The following PDCD4 variants were observed in gnomAD, a reference collection of about 807,000 sequenced individuals.
PDCD4 encodes programmed cell death 4.
In PDCD4, 56 loss-of-function variants were observed where a neutral mutation model predicts 54.0. That is an observed-to-expected ratio of 1.04 (90% CI 0.84 to 1.30). The LOEUF (loss-of-function observed/expected upper bound fraction) is 1.30, where lower values mean the gene tolerates loss of function less well. Among genes scored for constraint, PDCD4 ranks in the 50% most tolerant of loss-of-function variants. PDCD4 has a pLI of 0.00. For synonymous variants in PDCD4, 186 were observed against 194.8 expected, an observed-to-expected ratio of 0.95 and a Z score of 0.37; for missense variants, 584 against 559.8, an observed-to-expected ratio of 1.04 and a Z score of -0.44.
chr10:110,876,216 T>G, intron 2 of PDCD4, 146 bp downstream of exon 2: 1 of 567,298 alleles, frequency 1.8e-6, no homozygotes, highest in Non-Finnish European at 3.1e-6. Flanking sequence ...TATCTCAGCC[T>G]CCTCAGCAGC....
In PDCD4 at chr10:110,878,125, C is replaced by T. The variant is rs115566012; in HGVS notation, c.43+2055C>T. 3.1e-3 allele frequency among the ~76,000 whole-genome samples: 477 copies of T among 152,254 alleles called. 1 individual carries two copies. Among genetic ancestry groups the T allele is most frequent in the African/African-American group, 0.011 (452 of 41,544 alleles). On this transcript the variant is annotated intron_variant, in intron 2 of 11. Coordinates refer to ENST00000280154, the MANE Select transcript of PDCD4 (RefSeq NM_014456.5). ...GAAGTCAATCACATTCTGTACTCAG[C>T]TTATCATTTTAATTTTGGTTTTCTT...
At chr10:110,887,142 T>C (rs1227423299) in intron 5 of PDCD4, among the ~76,000 whole-genome samples, 2 of 152,188 alleles carry the variant, frequency 1.3e-5, no homozygotes, top group African/African-American at 4.8e-5. Flanking sequence ...CATATATACC[T>C]TTGGTCTCAT....
rs953785133 is a variant in PDCD4, at chr10:110,898,778, AAACTTT to A, written c.*693_*698del. 2.0e-5 allele frequency: 3 copies of A among 152,622 alleles called. No individual in the cohort carries two copies. Among genetic ancestry groups the A allele is most frequent in the African/African-American group, 7.2e-5 (3 of 41,458 alleles). 9.5% of individuals were successfully genotyped at this position (152,622 alleles called of 1,614,324 possible). Reference sequence around the variant, plus strand: ...GGGAGTACATTTTTTTAGGTCTCTTAAACTTTAATTTCACACAGTAAATTTTGAATC... The same window carrying A: ...GGGAGTACATTTTTTTAGGTCTCTTAAATTTCACACAGTAAATTTTGAATC... On this transcript the variant is annotated 3_prime_UTR_variant, in exon 12 of 12. Transcript: ENST00000280154.
chr10:110,886,762 T>G (rs749602366), intron 5 of PDCD4, among the ~76,000 whole-genome samples: 25 of 152,158 alleles, frequency 1.6e-4, no homozygotes, highest in Non-Finnish European at 2.6e-4. Flanking sequence ...AAGAGGCTAT[T>G]ATAATGCCTG....
chr10:110,873,784 C>G (rs752917782), intron 1 of PDCD4, among the ~76,000 whole-genome samples: 6 of 152,136 alleles, frequency 3.9e-5, no homozygotes, highest in African/African-American at 7.2e-5. Flanking sequence ...TCAAATATGA[C>G]TTGAGTTCCT....
At chr10:110,878,557 C>G (rs921367588) in intron 2 of PDCD4, among the ~76,000 whole-genome samples, 1 of 152,180 alleles carries the variant, frequency 6.6e-6, no homozygotes, top group Admixed American at 6.5e-5. Flanking sequence ...TGATCCTGAT[C>G]TTTCTGTCCC....
At position 110,876,456 on chromosome 10, in the gene PDCD4, T is replaced by A. The variant is rs1356165915; in HGVS notation, c.43+386T>A. Among the ~76,000 whole-genome samples, 4 of 152,216 alleles carry A rather than the reference T, an allele frequency of 2.6e-5. No homozygotes were observed. In the East Asian group the frequency reaches 7.7e-4, roughly 29 times the overall value. ...TTATTTTTAAAGTCAAGTTTGTGAT[T>A]TTTATTTTCATGGAAATTCATTACA... On this transcript the variant is annotated intron_variant, in intron 2 of 11. Coordinates refer to ENST00000280154, the MANE Select transcript of PDCD4 (RefSeq NM_014456.5).
At chr10:110,892,695 G>A (rs1845774049) in intron 8 of PDCD4, among the ~76,000 whole-genome samples, 1 of 152,146 alleles carries the variant, frequency 6.6e-6, no homozygotes, top group South Asian at 2.1e-4. Flanking sequence ...GTGATATGGA[G>A]GCAGTTGTAA....
rs552441395 is a variant in PDCD4, at chr10:110,878,993, C to T, written c.44-2240C>T. 2.6e-5 allele frequency among the ~76,000 whole-genome samples: 4 copies of T among 152,288 alleles called. No individual in the cohort carries two copies. In the South Asian group the frequency reaches 6.2e-4, roughly 24 times the overall value. On this transcript the variant is annotated intron_variant, in intron 2 of 11. Transcript: ENST00000280154. ...TATGATGATGTCCCAAACACACCAT[C>T]CTAACACCGGCTTCTTACCAGTTTG...
At chr10:110,897,715 T>C (rs963970612) in intron 11 of PDCD4, among the ~76,000 whole-genome samples, 6 of 152,162 alleles carry the variant, frequency 3.9e-5, no homozygotes, top group African/African-American at 1.2e-4. Flanking sequence ...CAAATAATAA[T>C]TAGAAATTAA....
At chr10:110,872,727 T>A (rs1590723503) in intron 1 of PDCD4, among the ~76,000 whole-genome samples, 1 of 152,064 alleles carries the variant, frequency 6.6e-6, no homozygotes, top group Non-Finnish European at 1.5e-5. Context: ...CGGCAAAGGG[T>A]CTCTTTTTTT....
chr10:110,896,459 T>C (rs868271127), intron 11 of PDCD4, among the ~76,000 whole-genome samples: 7 of 152,154 alleles, frequency 4.6e-5, no homozygotes. Context: ...TCAGGACTTT[T>C]CTGGCTTCAA....
intron 3 of PDCD4, among the ~76,000 whole-genome samples, chr10:110,882,366 G>A (rs959742439): frequency 6.6e-6 from 1 of 152,162 alleles, no homozygotes; most frequent in African/African-American, 2.4e-5. Context: ...ATTTCAGTAA[G>A]TTGATGTAGA....
Position 110,890,608 on chromosome 10 carries a change from C to T in PDCD4, c.928C>T (p.Arg310Cys), listed in dbSNP as rs374836268. The change falls in exon 8 of 12, where the codon CGT becomes TGT. Residue 310 changes from arginine (R) to cysteine (C), a missense_variant. Coordinates refer to ENST00000280154, the MANE Select transcript of PDCD4 (RefSeq NM_014456.5). ...VLLSMSKGGK[R>C]KDSVWGSGGG... The stretch of plus-strand genomic sequence containing the variant: ...TCTGAGTATGTCTAAAGGTGGAAAG[C>T]GTAAAGATAGTGTGTGGGGCTCTGG... 3.3e-5 allele frequency: 54 copies of T among 1,613,352 alleles called. No homozygotes were observed. Among genetic ancestry groups the T allele is most frequent in the Non-Finnish European group, 4.0e-5 (47 of 1,179,624 alleles).
At chr10:110,873,047 ATATTCT>A (rs1407241739) in intron 1 of PDCD4, among the ~76,000 whole-genome samples, 8 of 152,170 alleles carry the variant, frequency 5.3e-5, no homozygotes, top group African/African-American at 1.9e-4. Context: ...TACAATCTTG[ATATTCT>A]TAACGTGACT....
intron 2 of PDCD4, among the ~76,000 whole-genome samples, chr10:110,876,936 C>T (rs925762854): frequency 6.6e-5 from 10 of 151,966 alleles, no homozygotes; most frequent in African/African-American, 2.2e-4. Context: ...AAGTGTATTT[C>T]GTAACTAAAT....
chr10:110,888,062 A>G (rs1278659494), intron 6 of PDCD4, among the ~76,000 whole-genome samples, 176 bp downstream of exon 6: 5 of 151,998 alleles, frequency 3.3e-5, no homozygotes, highest in African/African-American at 1.2e-4. Context: ...TTTGTTTTTT[A>G]AACATGGTCT....
Position 110,889,576 on chromosome 10 carries a change from T to A in PDCD4, c.821T>A (p.Leu274Ter). 1 of 1,609,218 alleles carries A rather than the reference T, an allele frequency of 6.2e-7. No individual in the cohort carries two copies. The highest frequency in any genetic ancestry group is 8.5e-7 in the Non-Finnish European group (1 of 1,175,904). Residue 274 changes from leucine to a stop codon, truncating the protein, a stop_gained, in exon 7 of 12, where the codon TTA (leucine) becomes TAA (stop). Coordinates refer to ENST00000280154, the MANE Select transcript of PDCD4 (RefSeq NM_014456.5). LOFTEE classifies it high-confidence loss of function. Reference sequence around the variant, plus strand: ...GCTAGAGCTGTTGGAGATGGAATTTTATGTAATACCTATATTGATAGTTAC... The same window carrying A: ...GCTAGAGCTGTTGGAGATGGAATTTAATGTAATACCTATATTGATAGTTAC... Reference protein sequence around the residue: ...FIARAVGDGILCNTYIDSYKG... With the variant: ...FIARAVGDGI
chr10:110,897,811 T>A (rs1314213613), intron 11 of PDCD4, among the ~76,000 whole-genome samples: 1 of 152,004 alleles, frequency 6.6e-6, no homozygotes, highest in Non-Finnish European at 1.5e-5. Context: ...AGTGAACTTA[T>A]TAAAACAAAA....
Sources: gnomAD v4.1 joint callset for allele counts (sites outside exome capture counted in the v4.1 genomes callset) on GRCh38, gnomAD v4.1.1 for gene constraint, MANE v1.5 for transcripts, NCBI Gene and HGNC (gene_info 2026-07-23, HGNC 2026-07-21) for gene names.